SPEGNB: variants seen among roughly 807,000 people sequenced by gnomAD.
SPEGNB encodes the protein SPEG neighbor protein.
A neutral mutation model predicts 18.3 loss-of-function variants in SPEGNB; 12 were observed. That is an observed-to-expected ratio of 0.65 (90% CI 0.42 to 1.06). The LOEUF (loss-of-function observed/expected upper bound fraction) is 1.06. Among genes scored for constraint, SPEGNB ranks in the 50% least tolerant of loss-of-function variants. The pLI is 0.00. For missense variants in SPEGNB, 273 were observed against 329.3 expected, an observed-to-expected ratio of 0.83 and a Z score of 1.32; for synonymous variants, 113 against 138.8, an observed-to-expected ratio of 0.81 and a Z score of 1.31.
chr2:219,498,246 G>A lies in SPEGNB; in HGVS notation c.*57G>A. On this transcript the variant is annotated 3_prime_UTR_variant, in exon 5 of 5. Coordinates refer to ENST00000651166, the MANE Select transcript of SPEGNB (RefSeq NM_001286811.2). ...GAGCCCGGGGGTGGTGGGACCCACA[G>A]CCCTCCACCAGCTTGCTTAATAAAG... The A allele has an allele frequency of 7.9e-7, 1 of 1,269,164 alleles. No individual in the cohort carries two copies. The highest frequency in any genetic ancestry group is 1.0e-6 in the Non-Finnish European group (1 of 971,564). 78.6% of individuals were successfully genotyped at this position (1,269,164 alleles called of 1,614,324 possible).
At chr2:219,497,690 CG>C in intron 3 of SPEGNB, 29 bp from the exon 4 acceptor site, 1 of 1,297,720 alleles carries the variant, frequency 7.7e-7, no homozygotes, top group Non-Finnish European at 1.0e-6. Flanking sequence ...GGGTCCTTCA[CG>C]GGGTTTCGCT....
intron 4 of SPEGNB, 72 bp downstream of exon 4, chr2:219,497,933 G>C: frequency 7.8e-7 from 1 of 1,286,592 alleles, no homozygotes. Flanking sequence ...CCAGAAATCT[G>C]GCTGGAGTGA....
intron 2 of SPEGNB, 87 bp downstream of exon 2, chr2:219,496,569 T>A (rs1694228963): frequency 8.8e-7 from 1 of 1,138,146 alleles, no homozygotes; most frequent in Admixed American, 3.7e-5. Flanking sequence ...CTGAGCAGCG[T>A]CAGGAGCCTT....
At position 219,498,198 on chromosome 2, in the gene SPEGNB, C is replaced by A. The variant is rs1473748442; in HGVS notation, c.*9C>A. On this transcript the variant is annotated 3_prime_UTR_variant, in exon 5 of 5. Transcript: ENST00000651166. ...GCGTCGACGTGGCCTGAACGGCACC[C>A]CCGGACCTTCCGCCCTGGCGCCGAG... 1 of 1,299,242 alleles carries A rather than the reference C, an allele frequency of 7.7e-7. No homozygotes were observed. Among genetic ancestry groups the A allele is most frequent in the East Asian group, 5.6e-5 (1 of 17,972 alleles). 80.5% of individuals were successfully genotyped at this position (1,299,242 alleles called of 1,614,324 possible). A position where few individuals can be genotyped will look rare whatever the true frequency, so the allele number is the denominator to read the frequency against.
chr2:219,496,741 C>A (rs1694231861), intron 2 of SPEGNB, 68 bp from the exon 3 acceptor site: 3 of 1,171,334 alleles, frequency 2.6e-6, no homozygotes, highest in South Asian at 3.1e-5. Context: ...GGAGATGGTG[C>A]GCTCGCGGTA....
At chr2:219,497,528 A>G in intron 3 of SPEGNB, 192 bp from the exon 4 acceptor site, 1 of 607,416 alleles carries the variant, frequency 1.6e-6, no homozygotes, top group South Asian at 2.0e-5. Context: ...TTCGACCCCG[A>G]GAAGTAGGAG....
chr2:219,496,784 G>A lies in SPEGNB; in HGVS notation c.129-25G>A, dbSNP rs1044988417. The A allele has an allele frequency of 2.3e-5, 28 of 1,221,654 alleles. No individual in the cohort carries two copies. The East Asian group carries it at 1.5e-3, about 67-fold the overall frequency. The allele number at this position is 1,221,654 out of a possible 1,614,324, so 75.7% of individuals were successfully genotyped here. A position where few individuals can be genotyped will look rare whatever the true frequency, so the allele number is the denominator to read the frequency against. ...TGGCCGGGCCTGTCTTAGGAACTCT[G>A]GGCCCTGACTCGGCCCGCGGGTAGG... On this transcript the variant is annotated intron_variant, in intron 2 of 4. Coordinates refer to ENST00000651166, the MANE Select transcript of SPEGNB (RefSeq NM_001286811.2).
At chr2:219,496,735 A>T (rs77449817) in intron 2 of SPEGNB, 74 bp from the exon 3 acceptor site, 168,116 of 1,164,596 alleles carry the variant, frequency 0.14, 13,310 homozygotes, top group South Asian at 0.23. Context: ...CAGGTAGGAG[A>T]TGGTGCGCTC....
rs1406979686 is a variant in SPEGNB at position 219,498,208 on chromosome 2, C to G, written c.*19C>G. On this transcript the variant is annotated 3_prime_UTR_variant, in exon 5 of 5. Coordinates refer to ENST00000651166, the MANE Select transcript of SPEGNB (RefSeq NM_001286811.2). ...GGCCTGAACGGCACCCCCGGACCTT[C>G]CGCCCTGGCGCCGAGCCCGGGGGTG... 14 of 1,296,572 alleles carry G rather than the reference C, an allele frequency of 1.1e-5. No homozygotes were observed. The highest frequency in any genetic ancestry group is 1.4e-5 in the Non-Finnish European group (14 of 985,582). 80.3% of individuals were successfully genotyped at this position (1,296,572 alleles called of 1,614,324 possible).
Position 219,496,462 on chromosome 2 carries a change from G to C in SPEGNB, c.108G>C (p.Gln36His). The change falls in exon 2 of 5, where the codon CAG becomes CAC. Residue 36 changes from glutamine to histidine, a missense_variant. Gln to His is a conservative substitution (Grantham distance 24). Coordinates refer to ENST00000651166, the MANE Select transcript of SPEGNB (RefSeq NM_001286811.2). ...TCCAGAGTGCGGCCATTCGTATCCA[G>C]GCCTCTTACCGGGGCCACAGGTGAG... is the stretch of plus-strand genomic sequence containing the variant. ...PQVQSAAIRI[Q>H]ASYRGHRSRK... 1 of 1,271,392 alleles carries C rather than the reference G, an allele frequency of 7.9e-7. No individual in the cohort carries two copies. The highest frequency in any genetic ancestry group is 1.0e-6 in the Non-Finnish European group (1 of 964,658). 78.8% of individuals were successfully genotyped at this position (1,271,392 alleles called of 1,614,324 possible).
chr2:219,496,253 C>T (rs1694223107), intron 1 of SPEGNB, 36 bp downstream of exon 1: 1 of 1,047,068 alleles, frequency 9.6e-7, no homozygotes, highest in Non-Finnish European at 1.2e-6. Flanking sequence ...CAGACACCCC[C>T]ATTCCTCCAT....
rs199969682 is a variant in SPEGNB, at chr2:219,496,498, G to C, written c.128+16G>C. The C allele has an allele frequency of 9.6e-5, 118 of 1,225,758 alleles. No individual in the cohort carries two copies. The highest frequency in any genetic ancestry group is 2.3e-4 in the Admixed American group (8 of 34,894). The allele number at this position is 1,225,758 out of a possible 1,614,324, so 75.9% of individuals were successfully genotyped here. On this transcript the variant is annotated intron_variant, in intron 2 of 4. Coordinates refer to ENST00000651166, the MANE Select transcript of SPEGNB (RefSeq NM_001286811.2). ...GGGGCCACAGGTGAGAGGGAACCCC[G>C]GAGCCCTGTGGAGGAAGGGAGCTGC...
rs545489146 is a variant in SPEGNB, at chr2:219,497,514, T to C, written c.437-206T>C. 2.6e-4 allele frequency: 139 copies of C among 541,806 alleles called. No homozygotes were observed. In the African/African-American group the frequency reaches 2.6e-3, roughly 10 times the overall value. The allele number at this position is 541,806 out of a possible 1,614,324, so 33.6% of individuals were successfully genotyped here. On this transcript the variant is annotated intron_variant, in intron 3 of 4. Transcript: ENST00000651166. ...TCGCCCGCCTTATCTCTCTTGATCC[T>C]CTATTCGACCCCGAGAAGTAGGAGA...
intron 2 of SPEGNB, 82 bp downstream of exon 2, chr2:219,496,564 C>T: frequency 1.7e-6 from 2 of 1,143,496 alleles, no homozygotes; most frequent in South Asian, 3.6e-5. Flanking sequence ...AAGCGCTGAG[C>T]AGCGTCAGGA....
chr2:219,497,592 G>C (rs1694254707), intron 3 of SPEGNB, 128 bp from the exon 4 acceptor site: 3 of 1,130,516 alleles, frequency 2.7e-6, no homozygotes, highest in South Asian at 1.5e-5. Context: ...AGAGGCTAAT[G>C]ATTTGCTCAA....
At chr2:219,496,770 G>A in intron 2 of SPEGNB, 39 bp from the exon 3 acceptor site, 1 of 1,212,624 alleles carries the variant, frequency 8.2e-7, no homozygotes, top group South Asian at 1.5e-5. Flanking sequence ...GGCCGGGCCT[G>A]TCTTAGGAAC....
At chr2:219,496,521 T>C in intron 2 of SPEGNB, 39 bp downstream of exon 2, 1 of 1,201,530 alleles carries the variant, frequency 8.3e-7, no homozygotes, top group East Asian at 6.0e-5. Flanking sequence ...GGAAGGGAGC[T>C]GCAGAGAGCG....
chr2:219,497,673 C>T (rs1694256417), intron 3 of SPEGNB, 47 bp from the exon 4 acceptor site: 1 of 1,291,908 alleles, frequency 7.7e-7, no homozygotes. Flanking sequence ...TGCCCTGCCT[C>T]ATCTCCGGGT....
In SPEGNB at chr2:219,497,847, C is replaced by T. The variant is rs1024606330; in HGVS notation, c.564C>T (p.Ile188=). Residue 188 remains isoleucine, a synonymous_variant, in exon 4 of 5, where the codon ATC becomes ATT. Coordinates refer to ENST00000651166, the MANE Select transcript of SPEGNB (RefSeq NM_001286811.2). ...DVGWTKDGED[I]EEDDRVFFEI... is the part of the protein sequence containing the mutation. ...GCTGGACCAAGGACGGGGAGGACAT[C>T]GAGGAGGATGACAGGCGAGGGCCGG... 4 of 1,304,144 alleles carry T rather than the reference C, an allele frequency of 3.1e-6. No individual in the cohort carries two copies. Among genetic ancestry groups the T allele is most frequent in the Non-Finnish European group, 4.0e-6 (4 of 988,890 alleles). The allele number at this position is 1,304,144 out of a possible 1,614,324, so 80.8% of individuals were successfully genotyped here. A position where few individuals can be genotyped will look rare whatever the true frequency, so the allele number is the denominator to read the frequency against.
Sources: allele counts gnomAD v4.1 joint callset, GRCh38; gene constraint gnomAD v4.1.1; transcripts MANE v1.5; gene names NCBI Gene and HGNC (gene_info 2026-07-23, HGNC 2026-07-21).